LMTK2: variants seen among roughly 807,000 people sequenced by gnomAD.
LMTK2 encodes lemur tail kinase 2, also known as serine/threonine-protein kinase LMTK2.
In LMTK2, 37 loss-of-function variants were observed where a neutral mutation model predicts 127.5. The ratio of observed to expected loss-of-function variants is 0.29; its 90% CI spans 0.22 to 0.38. The LOEUF (loss-of-function observed/expected upper bound fraction) is 0.38. LMTK2 is among the 10% of genes least tolerant of loss of function. LMTK2 has a pLI of 1.00. For missense variants in LMTK2, 1,694 were observed against 1,920.3 expected (o/e 0.88, Z 2.20); for synonymous variants, 819 against 810.1 (o/e 1.01, Z -0.19).
At chr7:98,174,391 C>T (rs941004285) in intron 7 of LMTK2, among the ~76,000 whole-genome samples, 1 of 152,180 alleles carries the variant, frequency 6.6e-6, no homozygotes, top group African/African-American at 2.4e-5. Flanking sequence ...AGAGCCTTAA[C>T]CTGGAGTCTG....
chr7:98,178,700 G>C (rs990367804), intron 7 of LMTK2, among the ~76,000 whole-genome samples: 1 of 152,200 alleles, frequency 6.6e-6, no homozygotes, highest in Non-Finnish European at 1.5e-5. Flanking sequence ...AGCTTTGCAC[G>C]TTATTGGGCT....
chr7:98,132,368 A>G (rs1796532253), intron 1 of LMTK2, among the ~76,000 whole-genome samples: 1 of 152,074 alleles, frequency 6.6e-6, no homozygotes, highest in South Asian at 2.1e-4. Context: ...CCCCTGCCTC[A>G]GCCTCCCGAG....
intron 7 of LMTK2, among the ~76,000 whole-genome samples, chr7:98,173,581 T>C (rs1797227096): frequency 6.6e-6 from 1 of 152,188 alleles, no homozygotes; most frequent in Non-Finnish European, 1.5e-5. Flanking sequence ...TGTAAAATTA[T>C]CAAAGACAAC....
In LMTK2 at chr7:98,194,148, C is replaced by A; in HGVS notation, c.3683C>A (p.Thr1228Lys). The stretch of plus-strand genomic sequence containing the variant: ...GATCGCCCCTGCACCCTCGCTTCCA[C>A]GGGGACCAACACGAACGAACTCCTT... ...QDDRPCTLAS[T>K]GTNTNELLAY... Residue 1228 changes from threonine (T) to lysine (K), a missense_variant, in exon 11 of 14, where the codon ACG becomes AAG. Coordinates refer to ENST00000297293, the MANE Select transcript of LMTK2 (RefSeq NM_014916.4). This position sits in a 1 kb window ranked among gnomAD's most constrained non-coding sequence, Gnocchi z 5.4. 1 of 1,614,026 alleles carries A rather than the reference C, an allele frequency of 6.2e-7. No individual in the cohort carries two copies.
chr7:98,176,248 T>C (rs916079444), intron 7 of LMTK2, among the ~76,000 whole-genome samples: 28 of 152,370 alleles, frequency 1.8e-4, no homozygotes, highest in Admixed American at 8.5e-4. Flanking sequence ...TGTGTTTACA[T>C]AGACTATGTA....
chr7:98,122,292 T>A lies in LMTK2; in HGVS notation c.103+15012T>A, dbSNP rs534273512. 8.4e-4 allele frequency among the ~76,000 whole-genome samples: 128 copies of A among 151,726 alleles called. 1 individual carries two copies. The highest frequency in any genetic ancestry group is 3.0e-3 in the African/African-American group (123 of 41,302). ...TAAATTGCATGTCGTGGGGATTTGG[T>A]GTATAGATAATTTTGTCACCCAGGC... On this transcript the variant is annotated intron_variant, in intron 1 of 13. Transcript: ENST00000297293.
intron 1 of LMTK2, among the ~76,000 whole-genome samples, chr7:98,127,109 C>T (rs1255515093): frequency 2.7e-4 from 41 of 152,128 alleles, no homozygotes; most frequent in Admixed American, 2.6e-3. Flanking sequence ...AAAGAAAACA[C>T]TTTGTGACTT....
At chr7:98,110,280 A>G (rs1216886864) in intron 1 of LMTK2, among the ~76,000 whole-genome samples, 4 of 152,220 alleles carry the variant, frequency 2.6e-5, no homozygotes, top group Non-Finnish European at 4.4e-5. Flanking sequence ...TAATAAAGCT[A>G]TGTAAATATA....
At chr7:98,129,463 G>A (rs1027278633) in intron 1 of LMTK2, among the ~76,000 whole-genome samples, 5 of 151,982 alleles carry the variant, frequency 3.3e-5, no homozygotes, top group Non-Finnish European at 7.4e-5. Flanking sequence ...CTTCAGCCTT[G>A]ACCTCCTGTG....
At chr7:98,115,147 G>A (rs1796259273) in intron 1 of LMTK2, among the ~76,000 whole-genome samples, 1 of 152,162 alleles carries the variant, frequency 6.6e-6, no homozygotes, top group Admixed American at 6.5e-5. Flanking sequence ...GGGTACAGTG[G>A]CTCATGCCTG....
At chr7:98,107,907 G>A (rs1211285243) in intron 1 of LMTK2, among the ~76,000 whole-genome samples, 1 of 152,014 alleles carries the variant, frequency 6.6e-6, no homozygotes, top group African/African-American at 2.4e-5. Context: ...TTCTATTTTA[G>A]CTAACGTCAG....
In LMTK2 at chr7:98,189,437, G is replaced by A. The variant is rs116554621; in HGVS notation, c.999-1291G>A. On this transcript the variant is annotated intron_variant, in intron 9 of 13. Transcript: ENST00000297293. ...TAGTTGCTTCTTTGTTGTTTGGGGC[G>A]TGTCGTGGAGGGTTAGCTGGACATC... Among the ~76,000 whole-genome samples the A allele has an allele frequency of 9.1e-3, 1,387 of 152,198 alleles. 34 individuals are homozygous for A. Among genetic ancestry groups the A allele is most frequent in the African/African-American group, 0.032 (1,338 of 41,500 alleles).
intron 11 of LMTK2, among the ~76,000 whole-genome samples, chr7:98,201,942 G>T (rs1265322091): frequency 1.3e-5 from 2 of 152,112 alleles, no homozygotes; most frequent in Non-Finnish European, 2.9e-5. Context: ...TTTTTGTTTT[G>T]CTAAACTTAA....
chr7:98,151,477 T>C (rs758434285), intron 4 of LMTK2, 22 bp downstream of exon 4: 2 of 1,558,764 alleles, frequency 1.3e-6, no homozygotes, highest in African/African-American at 1.4e-5. Flanking sequence ...TTCACTTGCA[T>C]TTGTTTTCCT....
chr7:98,129,579 T>A (rs1468180440), intron 1 of LMTK2, among the ~76,000 whole-genome samples: 1 of 151,628 alleles, frequency 6.6e-6, no homozygotes, highest in Non-Finnish European at 1.5e-5. Flanking sequence ...TTGCCCATGC[T>A]GGTCTTGAAC....
rs1408279037 is a variant in LMTK2 at position 98,193,624 on chromosome 7, C to T, written c.3159C>T (p.Asp1053=). The T allele has an allele frequency of 2.5e-6, 4 of 1,614,062 alleles. No homozygotes were observed. Among genetic ancestry groups the T allele is most frequent in the Non-Finnish European group, 8.5e-7 (1 of 1,180,050 alleles). The change falls in exon 11 of 14, where the codon GAC becomes GAT. Residue 1053 remains aspartate (D), a synonymous_variant. Coordinates refer to ENST00000297293, the MANE Select transcript of LMTK2 (RefSeq NM_014916.4). This position sits in a 1 kb window ranked among gnomAD's most constrained non-coding sequence, Gnocchi z 4.1. Reference sequence around the variant, plus strand: ...ATCCCGCTCCCGAGGGCACCGCAGACTCAGAACCAGCCACCACGGGCGATG... The same window carrying T: ...ATCCCGCTCCCGAGGGCACCGCAGATTCAGAACCAGCCACCACGGGCGATG... ...TLHPAPEGTA[D]SEPATTGDGG...
chr7:98,173,500 C>T (rs1797225833), intron 7 of LMTK2, among the ~76,000 whole-genome samples: 1 of 151,944 alleles, frequency 6.6e-6, no homozygotes, highest in Non-Finnish European at 1.5e-5. Context: ...ATTACTAATA[C>T]TGGTATAGGA....
At chr7:98,130,111 A>G (rs149184022) in intron 1 of LMTK2, among the ~76,000 whole-genome samples, 64 of 152,206 alleles carry the variant, frequency 4.2e-4, no homozygotes, top group African/African-American at 1.5e-3. Flanking sequence ...GGAAGATATG[A>G]GAATGAATTG....
rs1223141493 is a variant in LMTK2, at chr7:98,206,042, G to T, written c.*550G>T. ...TCTTCAGTTATTCGAGGGGAATGAGGCAGGTCAAGCCGATGCTAGCCACTA... is the reference window on the plus strand; with the variant it reads ...TCTTCAGTTATTCGAGGGGAATGAGTCAGGTCAAGCCGATGCTAGCCACTA... On this transcript the variant is annotated 3_prime_UTR_variant, in exon 14 of 14. Coordinates refer to ENST00000297293, the MANE Select transcript of LMTK2 (RefSeq NM_014916.4). 1 of 154,476 alleles carries T rather than the reference G, an allele frequency of 6.5e-6. No homozygotes were observed. Among genetic ancestry groups the T allele is most frequent in the Non-Finnish European group, 1.4e-5 (1 of 69,236 alleles). 9.6% of individuals were successfully genotyped at this position (154,476 alleles called of 1,614,324 possible).
Sources: allele counts gnomAD v4.1 joint callset (sites outside exome capture counted in the v4.1 genomes callset), GRCh38; gene constraint gnomAD v4.1.1; non-coding constraint Gnocchi (gnomAD v3.1); transcripts MANE v1.5; gene names NCBI Gene and HGNC (gene_info 2026-07-23, HGNC 2026-07-21).